CMTM7: variants seen among roughly 807,000 people sequenced by gnomAD.
The protein encoded by CMTM7 is CKLF-like MARVEL transmembrane domain-containing protein 7.
CMTM7 carries 7 observed loss-of-function variants against 19.3 expected under a neutral mutation model. The ratio of observed to expected loss-of-function variants is 0.36; its 90% CI spans 0.21 to 0.68. The LOEUF (loss-of-function observed/expected upper bound fraction) is 0.68. CMTM7 is among the 30% of genes least tolerant of loss of function. The pLI is 0.60. For synonymous variants in CMTM7, 87 were observed against 99.3 expected, an observed-to-expected ratio of 0.88 and a Z score of 0.74; for missense variants, 193 against 232.6, an observed-to-expected ratio of 0.83 and a Z score of 1.11.
rs377385970 is a variant in CMTM7, at chr3:32,399,679, G to A, written c.159+7614G>A. Among the ~76,000 whole-genome samples the A allele has an allele frequency of 2.2e-4, 33 of 152,218 alleles. No individual in the cohort carries two copies. In the South Asian group the frequency reaches 6.0e-3, roughly 28 times the overall value. ...ATGTTCTGCTTTAGATGTGTATGGC[G>A]GAGGGCGAGGAGGGGGTCTAGTTTG... On this transcript the variant is annotated intron_variant, in intron 1 of 4. Coordinates refer to ENST00000334983, the MANE Select transcript of CMTM7 (RefSeq NM_138410.4).
chr3:32,452,418 CT>C lies in CMTM7; in HGVS notation c.460del (p.Cys154AlafsTer14). On this transcript the variant is annotated frameshift_variant, in exon 4 of 5. Coordinates refer to ENST00000334983, the MANE Select transcript of CMTM7 (RefSeq NM_138410.4). LOFTEE classifies it high-confidence loss of function. Reference protein sequence around the residue: ...AIFGFMATFLCMASIWLSYKI... With the variant: ...AIFGFMATFLXMASIWLSYKI... ...TCTTTGGTTTCATGGCCACCTTCCT[CT>C]GCATGGCAAGCATATGGCTGTCCTA... The C allele has an allele frequency of 6.2e-7, 1 of 1,614,212 alleles. No individual in the cohort carries two copies. The highest frequency in any genetic ancestry group is 8.5e-7 in the Non-Finnish European group (1 of 1,180,042).
At chr3:32,438,333 T>C (rs1696628306) in intron 1 of CMTM7, among the ~76,000 whole-genome samples, 1 of 152,332 alleles carries the variant, frequency 6.6e-6, no homozygotes, top group East Asian at 1.9e-4. Context: ...GTTTCTTATA[T>C]GGTAAACTTG....
intron 1 of CMTM7, among the ~76,000 whole-genome samples, chr3:32,405,627 C>T (rs954826606): frequency 6.6e-6 from 1 of 152,096 alleles, no homozygotes; most frequent in Non-Finnish European, 1.5e-5. Context: ...TGGTGGCTCG[C>T]GCCTGTGGGC....
At chr3:32,452,867 C>T (rs565498708) in intron 4 of CMTM7, among the ~76,000 whole-genome samples, 4 of 149,806 alleles carry the variant, frequency 2.7e-5, no homozygotes, top group Non-Finnish European at 5.9e-5. Context: ...CCTCCAACCT[C>T]AGCCTCCTGA....
intron 1 of CMTM7, among the ~76,000 whole-genome samples, chr3:32,415,314 T>A (rs79176894): frequency 0.017 from 2,598 of 152,320 alleles, 70 homozygotes; most frequent in African/African-American, 0.058. Flanking sequence ...ACTTTCTCAC[T>A]GCCATACAGA....
chr3:32,452,234 A>G, intron 3 of CMTM7, 158 bp from the exon 4 acceptor site: 1 of 1,531,394 alleles, frequency 6.5e-7, no homozygotes, highest in Non-Finnish European at 8.8e-7. Flanking sequence ...TCCTCTCTGC[A>G]CCTGATCCAG....
At chr3:32,392,816 A>G (rs924625341) in intron 1 of CMTM7, among the ~76,000 whole-genome samples, 2 of 152,004 alleles carry the variant, frequency 1.3e-5, no homozygotes, top group Non-Finnish European at 2.9e-5. Flanking sequence ...ATTGTGACCA[A>G]CTCAGCACAA....
intron 1 of CMTM7, among the ~76,000 whole-genome samples, chr3:32,415,728 C>A (rs1696250368): frequency 2.0e-5 from 3 of 152,294 alleles, no homozygotes; most frequent in Non-Finnish European, 4.4e-5. Context: ...GATCTTTAAT[C>A]TTTTCTCCAG....
At chr3:32,411,134 C>A (rs114774698) in intron 1 of CMTM7, among the ~76,000 whole-genome samples, 2 of 152,154 alleles carry the variant, frequency 1.3e-5, no homozygotes, top group African/African-American at 4.8e-5. Context: ...TGAGGCAGAG[C>A]CGGCTTCCCT....
rs539417229 is a variant in CMTM7, at chr3:32,393,070, G to A, written c.159+1005G>A. 6.6e-5 allele frequency among the ~76,000 whole-genome samples: 10 copies of A among 152,250 alleles called. No individual in the cohort carries two copies. In the East Asian group the frequency reaches 1.7e-3, roughly 27 times the overall value. ...AGAGGTGTGGGGAAAGGAGTGTGGG[G>A]CTGGACAAGGTCACACACCCAGAAG... On this transcript the variant is annotated intron_variant, in intron 1 of 4. Transcript: ENST00000334983.
At chr3:32,446,864 A>G (rs1056642547) in intron 2 of CMTM7, among the ~76,000 whole-genome samples, 5 of 152,122 alleles carry the variant, frequency 3.3e-5, no homozygotes, top group African/African-American at 1.2e-4. Context: ...TGAAGCCCTC[A>G]CCAGAAGCAG....
At chr3:32,398,066 A>G (rs1695944683) in intron 1 of CMTM7, among the ~76,000 whole-genome samples, 1 of 152,168 alleles carries the variant, frequency 6.6e-6, no homozygotes, top group Non-Finnish European at 1.5e-5. Flanking sequence ...TATTCAATAT[A>G]TGTTTAAGTT....
intron 1 of CMTM7, among the ~76,000 whole-genome samples, chr3:32,402,234 C>A (rs866924311): frequency 3.9e-5 from 6 of 152,184 alleles, no homozygotes; most frequent in Admixed American, 1.3e-4. Flanking sequence ...ACCTCAGCCT[C>A]CCAGGTGGCT....
At position 32,404,922 on chromosome 3, in the gene CMTM7, G is replaced by A. The variant is rs972233309; in HGVS notation, c.159+12857G>A. On this transcript the variant is annotated intron_variant, in intron 1 of 4. Coordinates refer to ENST00000334983, the MANE Select transcript of CMTM7 (RefSeq NM_138410.4). ...TCATCAGGTAAAAGCCTTAGAAGAAGTACTGGGTCCTTCCCAAAGGGAGAG... is the reference window on the plus strand; with the variant it reads ...TCATCAGGTAAAAGCCTTAGAAGAAATACTGGGTCCTTCCCAAAGGGAGAG... Among the ~76,000 whole-genome samples the A allele has an allele frequency of 2.6e-5, 4 of 152,334 alleles. No individual in the cohort carries two copies. In the South Asian group the frequency reaches 8.3e-4, roughly 32 times the overall value.
rs575181193 is a variant in CMTM7, at chr3:32,404,152, CTTTTTTTTTCT to C, written c.159+12097_159+12107del. On this transcript the variant is annotated intron_variant, in intron 1 of 4. Transcript: ENST00000334983. The stretch of plus-strand genomic sequence containing the variant: ...ATCTTTTCTTTCTTTCTTTTTTTTT[CTTTTTTTTTCT>C]TTTTTTTTTTTTTTGGAGACAGAGT... Among the ~76,000 whole-genome samples the C allele has an allele frequency of 3.6e-4, 48 of 131,976 alleles. 1 individual carries two copies. Among genetic ancestry groups the C allele is most frequent in the Admixed American group, 4.6e-4 (6 of 13,174 alleles). 86.6% of individuals were successfully genotyped at this position (131,976 alleles called of 152,430 possible). A position where few individuals can be genotyped will look rare whatever the true frequency, so the allele number is the denominator to read the frequency against.
chr3:32,415,969 G>C (rs1369952135), intron 1 of CMTM7, among the ~76,000 whole-genome samples: 1 of 152,170 alleles, frequency 6.6e-6, no homozygotes, highest in Non-Finnish European at 1.5e-5. Context: ...CATCTGTAGA[G>C]CATGTCATAC....
chr3:32,419,793 G>A (rs1236950979), intron 1 of CMTM7, among the ~76,000 whole-genome samples: 1 of 152,072 alleles, frequency 6.6e-6, no homozygotes, highest in East Asian at 1.9e-4. Flanking sequence ...TTTTATGGAG[G>A]GTTTTTGATA....
chr3:32,419,003 T>C (rs1696306157), intron 1 of CMTM7, among the ~76,000 whole-genome samples: 1 of 152,200 alleles, frequency 6.6e-6, no homozygotes, highest in Non-Finnish European at 1.5e-5. Flanking sequence ...ATTAATAATA[T>C]CATGAATTAA....
At chr3:32,397,503 G>A (rs955115822) in intron 1 of CMTM7, among the ~76,000 whole-genome samples, 1 of 152,104 alleles carries the variant, frequency 6.6e-6, no homozygotes, top group African/African-American at 2.4e-5. Context: ...GGGAGGCTGA[G>A]GTGGGCGGAT....
Sources: allele counts gnomAD v4.1 joint callset (sites outside exome capture counted in the v4.1 genomes callset), GRCh38; gene constraint gnomAD v4.1.1; transcripts MANE v1.5; gene names NCBI Gene and HGNC (gene_info 2026-07-23, HGNC 2026-07-21).